Variants in AK8 observed in about 807,000 individuals in gnomAD.
AK8 encodes the protein adenylate kinase 8.
AK8 carries 44 observed loss-of-function variants against 54.6 expected under a neutral mutation model. The observed-to-expected ratio is 0.81, with a 90% confidence interval of 0.63 to 1.04. The LOEUF is 1.04. AK8 is among the 50% of genes least tolerant of loss of function. AK8 has a pLI of 0.00. For synonymous variants in AK8, 239 were observed against 245.6 expected, an observed-to-expected ratio of 0.97 and a Z score of 0.25; for missense variants, 555 against 613.6, an observed-to-expected ratio of 0.90 and a Z score of 1.01.
At chr9:132,796,770 T>TACACACACAC (rs10590924) in intron 10 of AK8, among the ~76,000 whole-genome samples, 11 of 142,308 alleles carry the variant, frequency 7.7e-5, no homozygotes, top group African/African-American at 1.3e-4. Context: ...ACATACATGC[T>TACACACACAC]ACACACACAC....
Position 132,827,043 on chromosome 9 carries a change from T to C in AK8, c.568A>G (p.Thr190Ala). ...IDPQTGEIYH[T>A]TFDWPPESEI... The stretch of plus-strand genomic sequence containing the variant: ...GATTCGGGTGGCCAGTCAAAGGTGG[T>C]GTGATAAATCTCTACAAGGAGAGAG... Residue 190 changes from threonine (T) to alanine (A), a missense_variant, in exon 8 of 13, where the codon ACC becomes GCC. Coordinates refer to ENST00000298545, the MANE Select transcript of AK8 (RefSeq NM_152572.3). The C allele has an allele frequency of 1.2e-6, 2 of 1,614,176 alleles. No homozygotes were observed. The highest frequency in any genetic ancestry group is 2.2e-5 in the South Asian group (2 of 91,084).
At chr9:132,755,719 A>C (rs954944773) in intron 11 of AK8, among the ~76,000 whole-genome samples, 6 of 152,082 alleles carry the variant, frequency 3.9e-5, no homozygotes, top group African/African-American at 1.4e-4. Flanking sequence ...AAGACCCTTA[A>C]TTTTACAGGC....
At chr9:132,760,958 G>A (rs1461777730) in intron 11 of AK8, among the ~76,000 whole-genome samples, 1 of 151,990 alleles carries the variant, frequency 6.6e-6, no homozygotes, top group Non-Finnish European at 1.5e-5. Context: ...TAGGATTGTG[G>A]CAACTATATT....
chr9:132,797,153 C>G (rs1161253748), intron 10 of AK8, among the ~76,000 whole-genome samples: 2 of 152,166 alleles, frequency 1.3e-5, no homozygotes, highest in Admixed American at 6.5e-5. Flanking sequence ...TCAGTAACAA[C>G]TGATGTAGTA....
chr9:132,840,297 G>A (rs142926375), intron 5 of AK8, among the ~76,000 whole-genome samples: 1 of 152,214 alleles, frequency 6.6e-6, no homozygotes, highest in African/African-American at 2.4e-5. Context: ...CTCCAAAGGA[G>A]TGAACCGAGC....
intron 5 of AK8, among the ~76,000 whole-genome samples, chr9:132,848,906 CTTTTTTTTT>C (rs577735065): frequency 2.5e-5 from 3 of 118,556 alleles, no homozygotes; most frequent in African/African-American, 6.6e-5. Flanking sequence ...CTCCTGTTTG[CTTTTTTTTT>C]TTTTTTTTTT....
At chr9:132,871,275 A>C (rs991631268) in intron 2 of AK8, among the ~76,000 whole-genome samples, 1 of 152,014 alleles carries the variant, frequency 6.6e-6, no homozygotes, top group Non-Finnish European at 1.5e-5. Flanking sequence ...AAAAACAGAA[A>C]AAGAAAAGAA....
chr9:132,811,255 CA>C (rs1840991539), intron 10 of AK8, among the ~76,000 whole-genome samples: 1 of 152,216 alleles, frequency 6.6e-6, no homozygotes, highest in African/African-American at 2.4e-5. Flanking sequence ...AAGGGCTCTG[CA>C]AAGGGGACTA....
At chr9:132,844,867 T>G (rs1842687834) in intron 5 of AK8, among the ~76,000 whole-genome samples, 1 of 152,226 alleles carries the variant, frequency 6.6e-6, no homozygotes, top group South Asian at 2.1e-4. Context: ...TAACACGCTC[T>G]GTGCCTTCCT....
chr9:132,859,785 A>C (rs1357769456), intron 4 of AK8, among the ~76,000 whole-genome samples: 1 of 152,122 alleles, frequency 6.6e-6, no homozygotes, highest in East Asian at 1.9e-4. Flanking sequence ...GAAAAGATGA[A>C]TTCAATTAAC....
intron 10 of AK8, among the ~76,000 whole-genome samples, chr9:132,801,092 T>C (rs1840434960): frequency 6.6e-6 from 1 of 151,856 alleles, no homozygotes; most frequent in Non-Finnish European, 1.5e-5. Context: ...GCCCGGCTAA[T>C]TTTTTTTGTA....
intron 11 of AK8, among the ~76,000 whole-genome samples, chr9:132,754,991 G>T (rs1184582288): frequency 2.6e-5 from 4 of 151,988 alleles, no homozygotes; most frequent in African/African-American, 9.7e-5. Flanking sequence ...TAGAGATGGG[G>T]TTTCACCATG....
chr9:132,804,717 G>A (rs922804056), intron 10 of AK8, among the ~76,000 whole-genome samples: 29 of 152,154 alleles, frequency 1.9e-4, no homozygotes, highest in Non-Finnish European at 8.8e-5. Flanking sequence ...GCTGCAGGGC[G>A]TGGTCCCCGC....
chr9:132,878,798 C>T (rs539556261), upstream of AK8: 1 of 984,726 alleles, frequency 1.0e-6, no homozygotes, highest in Non-Finnish European at 1.2e-6. This position sits in a 1 kb window ranked among gnomAD's most constrained non-coding sequence, Gnocchi z 4.7. Context: ...CCCAGCTCCC[C>T]GGCTCTGGCC....
At chr9:132,840,290 C>T (rs1281568034) in intron 5 of AK8, among the ~76,000 whole-genome samples, 1 of 152,112 alleles carries the variant, frequency 6.6e-6, no homozygotes, top group African/African-American at 2.4e-5. Context: ...GCTCCATCTC[C>T]AAAGGAGTGA....
At chr9:132,823,172 G>A (rs368102891) in intron 9 of AK8, 33 bp downstream of exon 9, 79 of 1,508,232 alleles carry the variant, frequency 5.2e-5, no homozygotes, top group Middle Eastern at 2.0e-4. Context: ...AAAGGCTCTC[G>A]AAGCTGGGCA....
chr9:132,836,371 T>A (rs2131330974), intron 5 of AK8, among the ~76,000 whole-genome samples: 1 of 152,348 alleles, frequency 6.6e-6, no homozygotes, highest in East Asian at 1.9e-4. Context: ...ATTATAATTT[T>A]GAGAAAGGTG....
chr9:132,738,827 T>C (rs1837237697), intron 11 of AK8, among the ~76,000 whole-genome samples: 1 of 149,536 alleles, frequency 6.7e-6, no homozygotes, highest in Non-Finnish European at 1.5e-5. Context: ...CCATCATGAC[T>C]GGCTGCAGCC....
chr9:132,780,784 A>G (rs542313773), intron 11 of AK8, among the ~76,000 whole-genome samples: 63 of 152,154 alleles, frequency 4.1e-4, no homozygotes, highest in Non-Finnish European at 7.5e-4. Context: ...AGAAAACAAC[A>G]CCAAGATTAA....
Sources: gnomAD v4.1 joint callset for allele counts (sites outside exome capture counted in the v4.1 genomes callset) on GRCh38, gnomAD v4.1.1 for gene constraint, Gnocchi (gnomAD v3.1) non-coding constraint, MANE v1.5 for transcripts, NCBI Gene and HGNC (gene_info 2026-07-23, HGNC 2026-07-21) for gene names.